PCDHGA3: variants seen among roughly 807,000 people sequenced by gnomAD.
PCDHGA3 encodes the protein protocadherin gamma subfamily A, 3, also known as protocadherin gamma-A3.
In PCDHGA3, 40 loss-of-function variants were observed where a neutral mutation model predicts 58.5. The observed-to-expected ratio is 0.68, with a 90% CI of 0.53 to 0.89. PCDHGA3 has a LOEUF of 0.89. Ranked by LOEUF, PCDHGA3 falls within the 40% of genes least tolerant of loss-of-function variation. The pLI is 0.00. For synonymous variants in PCDHGA3, 530 were observed against 525.7 expected (o/e 1.01, Z -0.11); for missense variants, 1,223 against 1,195.9 (o/e 1.02, Z -0.33).
chr5:141,488,565 C>A (rs1308485284), intron 1 of PCDHGA3, among the ~76,000 whole-genome samples: 1 of 152,174 alleles, frequency 6.6e-6, no homozygotes, highest in Non-Finnish European at 1.5e-5. Flanking sequence ...GAGATTTCCG[C>A]AAAGCATTGC....
At chr5:141,478,467 G>T (rs2099457769) in intron 1 of PCDHGA3, 1 of 1,613,656 alleles carries the variant, frequency 6.2e-7, no homozygotes, top group South Asian at 1.1e-5. Flanking sequence ...CCACTGGCCA[G>T]CCGCCAGAAC....
chr5:141,432,172 CGTCTCTGTGACCGCCCACGACCCCGA>C lies in PCDHGA3; in HGVS notation c.2425-62634_2425-62609del. 6.2e-7 allele frequency: 1 copy of C among 1,614,152 alleles called. No individual in the cohort carries two copies. Among genetic ancestry groups the C allele is most frequent in the Non-Finnish European group, 8.5e-7 (1 of 1,180,038 alleles). ...AGAACAATCCCAGAGGAGTTTCCCT[CGTCTCTGTGACCGCCCACGACCCCGA>C]CTGTGAAGAGAACGCCCAGATCACT... On this transcript the variant is annotated intron_variant, in intron 1 of 3. Transcript: ENST00000253812. The surrounding 1 kb of genome is among the most constrained non-coding windows in gnomAD (Gnocchi z 6.0).
chr5:141,460,157 C>T (rs1388985005), intron 1 of PCDHGA3, among the ~76,000 whole-genome samples: 1 of 151,968 alleles, frequency 6.6e-6, no homozygotes, highest in Admixed American at 6.6e-5. Context: ...CTCTTTGTCA[C>T]ATACATATTT....
intron 1 of PCDHGA3, among the ~76,000 whole-genome samples, chr5:141,347,404 G>A (rs544331097): frequency 5.3e-5 from 8 of 151,972 alleles, no homozygotes; most frequent in Admixed American, 2.0e-4. Context: ...ATCTGCCCAC[G>A]TCAGCCTCCC....
intron 1 of PCDHGA3, chr5:141,352,534 G>A (rs1561503598): frequency 1.2e-6 from 2 of 1,613,978 alleles, no homozygotes; most frequent in Non-Finnish European, 1.7e-6. Flanking sequence ...ATTCTGCAAA[G>A]ACAGAGTTTA....
rs780252025 is a variant in PCDHGA3, at chr5:141,345,744, G to T, written c.1711G>T (p.Gly571Cys). 3 of 1,614,082 alleles carry T rather than the reference G, an allele frequency of 1.9e-6. No individual in the cohort carries two copies. Among genetic ancestry groups the T allele is most frequent in the African/African-American group, 1.3e-5 (1 of 74,944 alleles). ...CCTGTACCCCGCCCTCCCCACAGAC[G>T]GTTCCACTGGCGTGGAGCTGGCGCC... ...EILYPALPTDGSTGVELAPRS... is the reference protein window; with the variant it reads ...EILYPALPTDCSTGVELAPRS... The change falls in exon 1 of 4, where the codon GGT (glycine) becomes TGT (cysteine). Residue 571 changes from glycine (G) to cysteine (C), a missense_variant. By Grantham distance (159) the Gly-to-Cys change is radical (BLOSUM62 -3). Transcript: ENST00000253812.
intron 1 of PCDHGA3, chr5:141,398,846 C>T (rs1589346275): frequency 3.7e-6 from 6 of 1,613,850 alleles, no homozygotes; most frequent in South Asian, 3.3e-5. Flanking sequence ...GATAATCCCC[C>T]GGTATTCAAC....
intron 1 of PCDHGA3, chr5:141,360,684 A>G (rs1025740579): frequency 6.2e-7 from 1 of 1,614,010 alleles, no homozygotes; most frequent in Non-Finnish European, 8.5e-7. Context: ...TCGCTGAGAA[A>G]CAGACTCCAG....
In PCDHGA3 at chr5:141,361,474, G is replaced by A. The variant is rs773626542; in HGVS notation, c.2424+15017G>A. ...CACCCTGCACATCTCCGACGTCAAC[G>A]ATAATGCCCCAGTTTTCCAACAGAC... is the stretch of plus-strand genomic sequence containing the variant. On this transcript the variant is annotated intron_variant, in intron 1 of 3. Transcript: ENST00000253812. 19 of 1,613,872 alleles carry A rather than the reference G, an allele frequency of 1.2e-5. No homozygotes were observed. The highest frequency in any genetic ancestry group is 1.5e-5 in the Non-Finnish European group (18 of 1,179,900).
intron 1 of PCDHGA3, among the ~76,000 whole-genome samples, chr5:141,436,521 C>T (rs2097829891): frequency 6.6e-6 from 1 of 152,086 alleles, no homozygotes; most frequent in African/African-American, 2.4e-5. Flanking sequence ...AACTGTGTCA[C>T]CTTTAGCAAG....
At chr5:141,373,265 A>G (rs1038274272) in intron 1 of PCDHGA3, among the ~76,000 whole-genome samples, 1 of 152,258 alleles carries the variant, frequency 6.6e-6, no homozygotes, top group Non-Finnish European at 1.5e-5. Context: ...TTAAAAGTAT[A>G]CACAGATGTT....
Position 141,489,068 on chromosome 5 carries a change from G to GGCC in PCDHGA3, c.2425-5739_2425-5738insGCC. The GGCC allele has an allele frequency of 3.4e-6, 1 of 291,556 alleles. No individual in the cohort carries two copies. The allele number at this position is 291,556 out of a possible 1,614,324, so 18.1% of individuals were successfully genotyped here. A position where few individuals can be genotyped will look rare whatever the true frequency, so the allele number is the denominator to read the frequency against. ...CTCAAATTCAGCTCCCCTCCCCCCT[G>GGCC]CCCACCCCCGCCACTCGGTGACTAA... On this transcript the variant is annotated intron_variant, in intron 1 of 3. Coordinates refer to ENST00000253812, the MANE Select transcript of PCDHGA3 (RefSeq NM_018916.4). The surrounding 1 kb of genome is among the most constrained non-coding windows in gnomAD (Gnocchi z 4.5).
intron 1 of PCDHGA3, chr5:141,400,092 G>A (rs2093959231): frequency 6.2e-7 from 1 of 1,613,942 alleles, no homozygotes; most frequent in South Asian, 1.1e-5. Context: ...CCACCGCCAC[G>A]CTGCACTTGG....
chr5:141,499,881 T>A (rs2099795027), intron 2 of PCDHGA3, among the ~76,000 whole-genome samples: 1 of 152,082 alleles, frequency 6.6e-6, no homozygotes, highest in African/African-American at 2.4e-5. Flanking sequence ...ACAAACAGGG[T>A]TTCGCCATGT....
At position 141,364,595 on chromosome 5, in the gene PCDHGA3, A is replaced by G. The variant is rs769751864; in HGVS notation, c.2424+18138A>G. ...AAGCGGCAGCTTGGTCACCGCGGGC[A>G]GGATAGACCGGGAGGAGCTCTGCGC... On this transcript the variant is annotated intron_variant, in intron 1 of 3. Transcript: ENST00000253812. 2.5e-6 allele frequency: 4 copies of G among 1,614,210 alleles called. No homozygotes were observed. The highest frequency in any genetic ancestry group is 1.1e-5 in the South Asian group (1 of 91,092).
At chr5:141,394,552 G>T (rs368792885) in intron 1 of PCDHGA3, 4 of 1,614,070 alleles carry the variant, frequency 2.5e-6, no homozygotes, top group East Asian at 4.5e-5. Flanking sequence ...CTGGCGCCCC[G>T]CTCCGCAGAG....
At position 141,486,646 on chromosome 5, in the gene PCDHGA3, C is replaced by T; in HGVS notation, c.2425-8161C>T. On this transcript the variant is annotated intron_variant, in intron 1 of 3. Transcript: ENST00000253812. The surrounding 1 kb of genome is among the most constrained non-coding windows in gnomAD (Gnocchi z 5.0). ...ACTCTGGCTTGAATGCGCTTATCTC[C>T]TACTCACTCCTGGAGCCCAGGAATC... is the stretch of plus-strand genomic sequence containing the variant. 4.3e-6 allele frequency: 7 copies of T among 1,613,916 alleles called. No individual in the cohort carries two copies. Among genetic ancestry groups the T allele is most frequent in the African/African-American group, 1.3e-5 (1 of 75,058 alleles).
intron 1 of PCDHGA3, among the ~76,000 whole-genome samples, chr5:141,454,596 G>C (rs1184158084): frequency 1.3e-5 from 2 of 151,324 alleles, no homozygotes; most frequent in Non-Finnish European, 2.9e-5. Flanking sequence ...AGTAGAGACA[G>C]GGTTTCTCCA....
intron 1 of PCDHGA3, chr5:141,374,296 G>C (rs779933812): frequency 6.2e-7 from 1 of 1,613,974 alleles, no homozygotes; most frequent in Non-Finnish European, 8.5e-7. Flanking sequence ...CCAGAGGTAG[G>C]ATGCAGCTTT....
Sources: gnomAD v4.1 joint callset for allele counts (sites outside exome capture counted in the v4.1 genomes callset) on GRCh38, gnomAD v4.1.1 for gene constraint, Gnocchi (gnomAD v3.1) non-coding constraint, MANE v1.5 for transcripts, NCBI Gene and HGNC (gene_info 2026-07-23, HGNC 2026-07-21) for gene names.